Variants in RTEL1 observed in about 807,000 individuals in gnomAD.
RTEL1 encodes the protein regulator of telomere length.
RTEL1 carries 86 observed loss-of-function variants against 162.2 expected under a neutral mutation model. The observed-to-expected ratio is 0.53, with a 90% CI of 0.45 to 0.63. The LOEUF (loss-of-function observed/expected upper bound fraction) is 0.63. Among genes scored for constraint, RTEL1 ranks in the 30% least tolerant of loss-of-function variants. The pLI, the probability that RTEL1 is intolerant of heterozygous loss-of-function variation, is 0.00. For missense variants in RTEL1, 1,941 were observed against 1,750.2 expected, an observed-to-expected ratio of 1.11 and a Z score of -1.95; for synonymous variants, 958 against 717.9, an observed-to-expected ratio of 1.33 and a Z score of -5.35.
intron 8 of RTEL1, 56 bp from the exon 9 acceptor site, chr20:63,672,500 C>T (rs2090264059): frequency 6.4e-6 from 9 of 1,404,216 alleles, no homozygotes; most frequent in South Asian, 3.7e-5. Context: ...TCTTGGCTTC[C>T]CTCTTTCCCG....
At chr20:63,673,796 G>T in intron 9 of RTEL1, 144 bp from the exon 10 acceptor site, 1 of 833,668 alleles carries the variant, frequency 1.2e-6, no homozygotes, top group Non-Finnish European at 1.9e-6. Context: ...GGACCTACTT[G>T]TGGCCTTTTA....
chr20:63,678,231 C>G, intron 11 of RTEL1, 37 bp from the exon 12 acceptor site: 1 of 1,612,830 alleles, frequency 6.2e-7, no homozygotes, highest in Admixed American at 1.7e-5. Flanking sequence ...GGGCCTCCTC[C>G]TTGCGAGGAG....
chr20:63,689,182 G>C, intron 22 of RTEL1, 50 bp downstream of exon 22: 1 of 1,546,564 alleles, frequency 6.5e-7, no homozygotes, highest in Non-Finnish European at 8.8e-7. Context: ...GTTCCCTGGT[G>C]GGTGCTTATG....
At position 63,685,578 on chromosome 20, in the gene RTEL1, G is replaced by T; in HGVS notation, c.1247G>T (p.Gly416Val). 6.2e-7 allele frequency: 1 copy of T among 1,612,058 alleles called. No individual in the cohort carries two copies. Among genetic ancestry groups the T allele is most frequent in the Non-Finnish European group, 8.5e-7 (1 of 1,179,692 alleles). ...AGCCCTGGTTCCCCAGCAGGGCTGGGGGCCTTACAGTCCTATAAGGTAGGG... is the reference window on the plus strand; with the variant it reads ...AGCCCTGGTTCCCCAGCAGGGCTGGTGGCCTTACAGTCCTATAAGGTAGGG... ...EGSPGSPAGL[G>V]ALQSYKVHIH... The change falls in exon 15 of 35, where the codon GGG (glycine) becomes GTG (valine). Residue 416 changes from glycine (G) to valine (V), a missense_variant. Physicochemically the swap from Gly to Val is moderately radical, Grantham distance 109 (BLOSUM62 -3). Transcript: ENST00000360203.
rs775605541 is a variant in RTEL1 at position 63,693,269 on chromosome 20, T to G, written c.2978T>G (p.Val993Gly). Residue 993 changes from valine (V) to glycine (G), a missense_variant, in exon 30 of 35, where the codon GTC (valine) becomes GGC (glycine). Coordinates refer to ENST00000360203, the MANE Select transcript of RTEL1 (RefSeq NM_001283009.2). ...CCCCGAAGGCAGCGGGCACAGCCGG[T>G]CCTGGACCCCACTGGTAAATGGGGC... The part of the protein sequence containing the change: ...SIPRRQRAQP[V>G]LDPTGRTAPD... 1 of 1,611,796 alleles carries G rather than the reference T, an allele frequency of 6.2e-7. No individual in the cohort carries two copies. The highest frequency in any genetic ancestry group is 1.1e-5 in the South Asian group (1 of 91,086).
At chr20:63,676,633 G>T (rs1236187400) in intron 10 of RTEL1, among the ~76,000 whole-genome samples, 2 of 152,150 alleles carry the variant, frequency 1.3e-5, no homozygotes, top group African/African-American at 4.8e-5. Flanking sequence ...CACAGGAAAG[G>T]TGGGACAAAT....
At position 63,673,746 on chromosome 20, in the gene RTEL1, A is replaced by G. The variant is rs76214594; in HGVS notation, c.766-194A>G. 9.6e-3 allele frequency among the ~76,000 whole-genome samples: 1,465 copies of G among 152,188 alleles called. 13 individuals are homozygous for G. The highest frequency in any genetic ancestry group is 0.013 in the Non-Finnish European group (872 of 68,016). ...GAGCCACCGCGCCCGGCCTGAAACA[A>G]TCGTTTCTAAATATTGGTGTGGGCC... On this transcript the variant is annotated intron_variant, in intron 9 of 34. Coordinates refer to ENST00000360203, the MANE Select transcript of RTEL1 (RefSeq NM_001283009.2).
chr20:63,688,861 C>T (rs891540273), intron 21 of RTEL1, 194 bp from the exon 22 acceptor site: 40 of 673,210 alleles, frequency 5.9e-5, no homozygotes, highest in Middle Eastern at 4.1e-4. Context: ...TGGGGTTCCC[C>T]GTGTTTTCTG....
In RTEL1 at chr20:63,694,471, C is replaced by T. The variant is rs939781348; in HGVS notation, c.3092C>T (p.Pro1031Leu). 8.7e-6 allele frequency: 14 copies of T among 1,600,410 alleles called. No individual in the cohort carries two copies. Among genetic ancestry groups the T allele is most frequent in the Non-Finnish European group, 1.2e-5 (14 of 1,170,002 alleles). The part of the protein sequence containing the change: ...HLNQGRPHLS[P>L]RPPPTGDPGS... ...AACCAGGGCAGGCCCCACCTGTCGC[C>T]CAGGCCACCCCCAACAGGTAGCTGA... is the stretch of plus-strand genomic sequence containing the variant. The change falls in exon 31 of 35, where the codon CCC becomes CTC. Residue 1031 changes from proline to leucine, a missense_variant. Pro to Leu is a moderately conservative substitution (Grantham distance 98). Transcript: ENST00000360203.
At chr20:63,670,827 AAAAAG>A (rs1315729456) in intron 8 of RTEL1, among the ~76,000 whole-genome samples, 27 of 152,012 alleles carry the variant, frequency 1.8e-4, no homozygotes, top group Non-Finnish European at 3.1e-4. Flanking sequence ...AAAAAAAAAA[AAAAAG>A]AAAAAAGAAA....
At chr20:63,682,215 C>T (rs1178300456) in intron 14 of RTEL1, 60 of 985,340 alleles carry the variant, frequency 6.1e-5, no homozygotes, top group Admixed American at 1.8e-4. Context: ...TCCTGGAATG[C>T]GGCTTCCAAG....
At chr20:63,693,874 C>T (rs1054130328) in intron 30 of RTEL1, among the ~76,000 whole-genome samples, 4 of 150,040 alleles carry the variant, frequency 2.7e-5, no homozygotes, top group Non-Finnish European at 5.9e-5. Context: ...GCCACACGTC[C>T]CCTGCCTCCC....
At position 63,692,477 on chromosome 20, in the gene RTEL1, G is replaced by A. The variant is rs186197617; in HGVS notation, c.2653-328G>A. On this transcript the variant is annotated intron_variant, in intron 28 of 34. Transcript: ENST00000360203. Reference sequence around the variant, plus strand: ...CATCCTGGGAGCCTCAGCCGCATCCGCTGTGGGGCAGGGGGCTTGAGGGAG... The same window carrying A: ...CATCCTGGGAGCCTCAGCCGCATCCACTGTGGGGCAGGGGGCTTGAGGGAG... 345 of 407,940 alleles carry A rather than the reference G, an allele frequency of 8.5e-4. 2 individuals are homozygous for A. In the East Asian group the frequency reaches 8.6e-3, roughly 10 times the overall value. 25.3% of individuals were successfully genotyped at this position (407,940 alleles called of 1,614,324 possible). A position where few individuals can be genotyped will look rare whatever the true frequency, so the allele number is the denominator to read the frequency against.
intron 6 of RTEL1, among the ~76,000 whole-genome samples, chr20:63,663,917 G>A (rs563713885): frequency 2.6e-5 from 4 of 152,288 alleles, no homozygotes; most frequent in East Asian, 3.9e-4. Flanking sequence ...ACTACCAGGC[G>A]TTTCTGGGCC....
intron 8 of RTEL1, among the ~76,000 whole-genome samples, chr20:63,670,681 C>T (rs1192426122): frequency 6.6e-6 from 1 of 152,132 alleles, no homozygotes; most frequent in Non-Finnish European, 1.5e-5. Context: ...GAAGGGAAGA[C>T]GTGTTCAAAG....
chr20:63,688,837 G>A (rs1268928289), intron 21 of RTEL1: 2 of 638,416 alleles, frequency 3.1e-6, no homozygotes, highest in Non-Finnish European at 5.4e-6. Flanking sequence ...AGCCCTAGTC[G>A]GCCACCCTGG....
rs2090021527 is a variant in RTEL1, at chr20:63,661,576, A to G, written c.301+80A>G. 4 of 1,374,400 alleles carry G rather than the reference A, an allele frequency of 2.9e-6. No individual in the cohort carries two copies. The highest frequency in any genetic ancestry group is 4.0e-6 in the Non-Finnish European group (4 of 1,005,068). The allele number at this position is 1,374,400 out of a possible 1,614,324, so 85.1% of individuals were successfully genotyped here. On this transcript the variant is annotated intron_variant, in intron 3 of 34. Transcript: ENST00000360203. The surrounding 1 kb of genome is among the most constrained non-coding windows in gnomAD (Gnocchi z 5.1). ...ATGGCGCTGAGGGTGGGGTGGGCCC[A>G]TGGGGACTCCTGCCGTCTCTCAAGC...
intron 6 of RTEL1, 62 bp from the exon 7 acceptor site, chr20:63,665,942 C>T (rs2090117522): frequency 2.6e-6 from 4 of 1,511,258 alleles, no homozygotes; most frequent in South Asian, 2.3e-5. Context: ...TGGGCATCCC[C>T]CTGTGGTCTG....
Position 63,692,894 on chromosome 20 carries a change from C to G in RTEL1, c.2742C>G (p.Thr914=), listed in dbSNP as rs777637767. 2 of 1,612,540 alleles carry G rather than the reference C, an allele frequency of 1.2e-6. No homozygotes were observed. Among genetic ancestry groups the G allele is most frequent in the Admixed American group, 3.3e-5 (2 of 59,996 alleles). ...KQELSQANFA[T]FTQALQDYKG... ...AGTTGAGCCAAGCCAACTTTGCCAC[C>G]TTCACCCAGGCCCTGCAGGACTACA... The change falls in exon 29 of 35, where the codon ACC becomes ACG. Residue 914 remains threonine (T), a synonymous_variant. Transcript: ENST00000360203.
Sources: gnomAD v4.1 joint callset for allele counts (sites outside exome capture counted in the v4.1 genomes callset) on GRCh38, gnomAD v4.1.1 for gene constraint, Gnocchi (gnomAD v3.1) non-coding constraint, MANE v1.5 for transcripts, NCBI Gene and HGNC (gene_info 2026-07-23, HGNC 2026-07-21) for gene names.